Variants in HOOK3 observed in about 807,000 individuals in gnomAD.
HOOK3 encodes hook microtubule tethering protein 3.
Under a neutral mutation model 116.3 loss-of-function variants are expected in HOOK3, and 24 were observed. The observed-to-expected ratio is 0.21, with a 90% CI of 0.15 to 0.29. HOOK3 has a LOEUF of 0.29. Ranked by LOEUF, HOOK3 falls within the 10% of genes least tolerant of loss-of-function variation. The pLI is 1.00. For missense variants in HOOK3, 632 were observed against 830.2 expected (o/e 0.76, Z 2.93); for synonymous variants, 275 against 283.0 (o/e 0.97, Z 0.28).
At chr8:42,989,254 C>T (rs1274541583) in intron 15 of HOOK3, among the ~76,000 whole-genome samples, 7 of 152,172 alleles carry the variant, frequency 4.6e-5, no homozygotes, top group Admixed American at 4.6e-4. Flanking sequence ...GTCCCTGCAT[C>T]CCACAGCTGT....
intron 2 of HOOK3, among the ~76,000 whole-genome samples, chr8:42,915,051 G>A (rs1240713561): frequency 6.6e-6 from 1 of 152,188 alleles, no homozygotes; most frequent in African/African-American, 2.4e-5. Context: ...TACTAGGGAA[G>A]TTTAATTCCT....
At chr8:42,897,822 A>G (rs543390721) in intron 1 of HOOK3, among the ~76,000 whole-genome samples, 17 of 152,336 alleles carry the variant, frequency 1.1e-4, no homozygotes, top group Admixed American at 2.0e-4. Context: ...TGAAGTAAAT[A>G]CATGTTCACC....
chr8:42,961,265 T>C (rs1025882679), intron 8 of HOOK3, among the ~76,000 whole-genome samples: 2 of 152,240 alleles, frequency 1.3e-5, no homozygotes, highest in African/African-American at 2.4e-5. Context: ...CATAGCACTT[T>C]ATATTCTGGT....
At chr8:42,941,714 T>C (rs1160234605) in intron 4 of HOOK3, among the ~76,000 whole-genome samples, 1 of 152,098 alleles carries the variant, frequency 6.6e-6, no homozygotes. Flanking sequence ...TGACATAACT[T>C]ATGAGGACCT....
intron 4 of HOOK3, among the ~76,000 whole-genome samples, chr8:42,932,207 A>C (rs918383992): frequency 9.2e-5 from 14 of 152,218 alleles, no homozygotes; most frequent in Admixed American, 9.2e-4. Context: ...TTTAAGATAC[A>C]TATGAATGCG....
At chr8:42,944,675 C>T (rs778343219) in intron 5 of HOOK3, among the ~76,000 whole-genome samples, 20 of 151,582 alleles carry the variant, frequency 1.3e-4, no homozygotes, top group Middle Eastern at 3.4e-3. Flanking sequence ...AAAAATTAGC[C>T]GGGCGCGGTG....
chr8:42,943,417 C>A lies in HOOK3; in HGVS notation c.372C>A (p.Gly124=). The A allele has an allele frequency of 6.4e-7, 1 of 1,552,048 alleles. No individual in the cohort carries two copies. Among genetic ancestry groups the A allele is most frequent in the Non-Finnish European group, 8.7e-7 (1 of 1,149,526 alleles). ...ELGRMLQLIL[G]CAVNCEQKQE... is the part of the protein sequence containing the mutation. ...GAAGGATGCTTCAGCTCATCTTAGG[C>A]TGTGCTGTGAACTGTGAACAGAAGC... Residue 124 remains glycine (G), a synonymous_variant, in exon 5 of 22, where the codon GGC becomes GGA. Transcript: ENST00000307602.
At chr8:42,925,099 TTTTG>T (rs778755254) in intron 2 of HOOK3, among the ~76,000 whole-genome samples, 35 of 152,196 alleles carry the variant, frequency 2.3e-4, no homozygotes, top group East Asian at 1.9e-4. Context: ...TTGTTCGGTT[TTTTG>T]TTTGTTTGTT....
chr8:42,982,254 T>TAAAAAAAAAAAA (rs1162075588), intron 13 of HOOK3, among the ~76,000 whole-genome samples: 1 of 89,604 alleles, frequency 1.1e-5, no homozygotes, highest in African/African-American at 4.5e-5. Flanking sequence ...GACTCTGTCT[T>TAAAAAAAAAAAA]AAAAAAAAAA....
chr8:42,997,545 T>A lies in HOOK3; in HGVS notation c.1533-5T>A, dbSNP rs2130468018. 1.3e-6 allele frequency: 2 copies of A among 1,584,002 alleles called. No homozygotes were observed. Among genetic ancestry groups the A allele is most frequent in the Middle Eastern group, 1.7e-4 (1 of 5,970 alleles). The stretch of plus-strand genomic sequence containing the variant: ...TTGGAAAATTAATGTACATTTCATT[T>A]CTAGGCTGGTGAATCAAAGACTTCT... On this transcript the variant is annotated splice_region_variant and splice_polypyrimidine_tract_variant and intron_variant, in intron 15 of 21. Transcript: ENST00000307602.
intron 16 of HOOK3, chr8:43,000,335 A>G: frequency 9.4e-7 from 1 of 1,065,122 alleles, no homozygotes; most frequent in Non-Finnish European, 1.3e-6. Flanking sequence ...TTAGACTGCC[A>G]TCATAGTTGA....
chr8:42,960,117 G>GC (rs1197493569), intron 8 of HOOK3, among the ~76,000 whole-genome samples: 5 of 152,138 alleles, frequency 3.3e-5, no homozygotes, highest in Non-Finnish European at 5.9e-5. Flanking sequence ...ATACTAATAA[G>GC]ATTTCATTAT....
At chr8:42,932,697 G>C (rs1471994279) in intron 4 of HOOK3, among the ~76,000 whole-genome samples, 4 of 152,032 alleles carry the variant, frequency 2.6e-5, no homozygotes, top group Non-Finnish European at 5.9e-5. Context: ...AAAATGGTGT[G>C]GTGTCTTTGG....
rs1809937629 is a variant in HOOK3 at position 43,026,629 on chromosome 8, A to T, written c.*8131A>T. On this transcript the variant is annotated 3_prime_UTR_variant, in exon 22 of 22. Transcript: ENST00000307602. Reference sequence around the variant, plus strand: ...ATCCCATCTTACAGTTAATCAGAAGATGTTCTTACCTTTGGTTTGCCTGCC... The same window carrying T: ...ATCCCATCTTACAGTTAATCAGAAGTTGTTCTTACCTTTGGTTTGCCTGCC... 4.5e-6 allele frequency: 1 copy of T among 219,936 alleles called. No individual in the cohort carries two copies. Among genetic ancestry groups the T allele is most frequent in the African/African-American group, 2.2e-5 (1 of 44,700 alleles). The allele number at this position is 219,936 out of a possible 1,614,324, so 13.6% of individuals were successfully genotyped here. A position where few individuals can be genotyped will look rare whatever the true frequency, so the allele number is the denominator to read the frequency against.
At chr8:42,897,333 C>T (rs1284780201) in intron 1 of HOOK3, 145 bp downstream of exon 1, 7 of 466,928 alleles carry the variant, frequency 1.5e-5, no homozygotes, top group African/African-American at 1.2e-4. Flanking sequence ...GGAGGCTCGG[C>T]CCAGGGTCCG....
At chr8:42,956,260 GTGTGTTATCA>G (rs1808434205) in intron 6 of HOOK3, among the ~76,000 whole-genome samples, 1 of 150,948 alleles carries the variant, frequency 6.6e-6, no homozygotes, top group South Asian at 2.1e-4. Flanking sequence ...GTGTGTGTGT[GTGTGTTATCA>G]TTAAACATTA....
intron 1 of HOOK3, among the ~76,000 whole-genome samples, chr8:42,903,567 T>A (rs2130316227): frequency 6.7e-6 from 1 of 149,572 alleles, no homozygotes. Flanking sequence ...GATGGTCTCA[T>A]CTCCTGACCT....
chr8:42,996,385 CAAAAA>C (rs529268164), intron 15 of HOOK3, among the ~76,000 whole-genome samples: 2 of 55,980 alleles, frequency 3.6e-5, no homozygotes, highest in East Asian at 6.3e-4. Flanking sequence ...GACTCCGTCT[CAAAAA>C]AAAAAAAAAA....
rs767999951 is a variant in HOOK3, at chr8:42,964,352, G to A, written c.657G>A (p.Glu219=). 6.2e-7 allele frequency: 1 copy of A among 1,614,028 alleles called. No homozygotes were observed. Among genetic ancestry groups the A allele is most frequent in the Admixed American group, 1.7e-5 (1 of 59,990 alleles). ...AAGAGAAAAGTAGTTTGTTGGCAGA[G>A]AATCAGGTATTAATGGAAAGACTCA... ...LQEEKSSLLA[E]NQVLMERLNQ... Residue 219 remains glutamate (E), a synonymous_variant, in exon 9 of 22, where the codon GAG becomes GAA. Transcript: ENST00000307602.
Sources: allele counts gnomAD v4.1 joint callset (sites outside exome capture counted in the v4.1 genomes callset), GRCh38; gene constraint gnomAD v4.1.1; transcripts MANE v1.5; gene names NCBI Gene and HGNC (gene_info 2026-07-23, HGNC 2026-07-21).